Variants in LRRC4C observed in about 807,000 individuals in gnomAD.
The protein encoded by LRRC4C is leucine-rich repeat-containing protein 4C.
LRRC4C carries 5 observed loss-of-function variants against 33.6 expected under a neutral mutation model. The observed-to-expected ratio is 0.15, with a 90% CI of 0.08 to 0.31. The LOEUF (loss-of-function observed/expected upper bound fraction) is 0.31, where lower values mean the gene tolerates loss of function less well. Among genes scored for constraint, LRRC4C ranks in the 10% least tolerant of loss-of-function variants. The pLI, the probability that LRRC4C is intolerant of heterozygous loss-of-function variation, is 1.00. For synonymous variants in LRRC4C, 329 were observed against 302.0 expected (o/e 1.09, Z -0.93); for missense variants, 560 against 796.7 (o/e 0.70, Z 3.58).
chr11:40,964,092 G>C lies in LRRC4C; in HGVS notation c.-495-30369C>G, dbSNP rs562388009. 1.1e-4 allele frequency among the ~76,000 whole-genome samples: 17 copies of C among 151,530 alleles called. No individual in the cohort carries two copies. In the South Asian group the frequency reaches 3.3e-3, roughly 30 times the overall value. On this transcript the variant is annotated intron_variant, in intron 1 of 6. Coordinates refer to ENST00000528697, the MANE Select transcript of LRRC4C (RefSeq NM_001258419.2). ...TGCTGCTATTTCTCAATGTGCCGCA[G>C]TTTCTTCATCTATCAAACCAGCATA...
intron 1 of LRRC4C, among the ~76,000 whole-genome samples, chr11:40,940,687 T>A (rs1958100847): frequency 6.6e-6 from 1 of 152,128 alleles, no homozygotes; most frequent in Non-Finnish European, 1.5e-5. Context: ...GCTACAAAGT[T>A]CTTAGAAGAG....
chr11:40,785,328 C>T (rs1950370340), intron 2 of LRRC4C, among the ~76,000 whole-genome samples: 1 of 152,120 alleles, frequency 6.6e-6, no homozygotes, highest in South Asian at 2.1e-4. Context: ...AACTTCCAAA[C>T]TCATAACTTG....
chr11:41,279,082 A>G (rs1283270173), intron 1 of LRRC4C, among the ~76,000 whole-genome samples: 1 of 152,136 alleles, frequency 6.6e-6, no homozygotes, highest in Non-Finnish European at 1.5e-5. Flanking sequence ...TTCCTGAATT[A>G]ATTCACTTAG....
intron 3 of LRRC4C, among the ~76,000 whole-genome samples, chr11:40,618,327 A>G (rs746838279): frequency 2.6e-5 from 4 of 151,630 alleles, no homozygotes; most frequent in East Asian, 1.9e-4. Flanking sequence ...CTAGCCAAGA[A>G]ATGACCAAGA....
At chr11:40,584,413 T>C (rs1292716997) in intron 3 of LRRC4C, among the ~76,000 whole-genome samples, 3 of 151,812 alleles carry the variant, frequency 2.0e-5, no homozygotes, top group Non-Finnish European at 4.4e-5. Context: ...GACTACTAGC[T>C]TGATGACAGT....
intron 3 of LRRC4C, among the ~76,000 whole-genome samples, chr11:40,548,178 A>T (rs1171049743): frequency 6.6e-6 from 1 of 152,098 alleles, no homozygotes; most frequent in African/African-American, 2.4e-5. Context: ...GAAATAAGTG[A>T]GGGAATCATG....
intron 3 of LRRC4C, among the ~76,000 whole-genome samples, chr11:40,578,256 C>T (rs1332657959): frequency 6.8e-6 from 1 of 147,712 alleles, no homozygotes; most frequent in Non-Finnish European, 1.5e-5. Flanking sequence ...CAACTATGCC[C>T]CTGGCAAACA....
intron 1 of LRRC4C, among the ~76,000 whole-genome samples, chr11:41,282,979 A>G (rs1949719003): frequency 6.6e-6 from 1 of 152,236 alleles, no homozygotes; most frequent in Non-Finnish European, 1.5e-5. Flanking sequence ...TTTGACATGA[A>G]TAAAATTAGA....
chr11:40,937,604 TG>T (rs1771442291), intron 1 of LRRC4C, among the ~76,000 whole-genome samples: 2 of 19,828 alleles, frequency 1.0e-4, no homozygotes, highest in African/African-American at 3.4e-4. Context: ...TGTGTGTATA[TG>T]TGTGTGTGTG....
At chr11:40,118,576 A>G (rs1290135135) in intron 6 of LRRC4C, among the ~76,000 whole-genome samples, 1 of 152,136 alleles carries the variant, frequency 6.6e-6, no homozygotes, top group Non-Finnish European at 1.5e-5. Context: ...TCTGATCTAT[A>G]TTTTGTAGAA....
rs373389647 is a variant in LRRC4C at position 40,787,644 on chromosome 11, G to T, written c.-406-139366C>A. Among the ~76,000 whole-genome samples, 3 of 152,266 alleles carry T rather than the reference G, an allele frequency of 2.0e-5. No homozygotes were observed. The East Asian group carries it at 5.8e-4, about 29-fold the overall frequency. Reference sequence around the variant, plus strand: ...GTATAAGTGAAAAGGAGGTGAAAATGAATGCACAATCAGCCATCTTGATTT... The same window carrying T: ...GTATAAGTGAAAAGGAGGTGAAAATTAATGCACAATCAGCCATCTTGATTT... On this transcript the variant is annotated intron_variant, in intron 2 of 6. Coordinates refer to ENST00000528697, the MANE Select transcript of LRRC4C (RefSeq NM_001258419.2).
At chr11:41,097,395 A>G (rs1201361050) in intron 1 of LRRC4C, among the ~76,000 whole-genome samples, 1 of 152,168 alleles carries the variant, frequency 6.6e-6, no homozygotes, top group East Asian at 1.9e-4. Flanking sequence ...GGATTAGATG[A>G]AAATGTTACC....
intron 1 of LRRC4C, among the ~76,000 whole-genome samples, chr11:41,417,553 T>C (rs1954729984): frequency 6.6e-6 from 1 of 152,044 alleles, no homozygotes; most frequent in Non-Finnish European, 1.5e-5. Context: ...ACTTTCTCAG[T>C]TGTGACTAGC....
chr11:40,923,082 C>T (rs558870326), intron 2 of LRRC4C, among the ~76,000 whole-genome samples: 1 of 152,258 alleles, frequency 6.6e-6, no homozygotes, highest in South Asian at 2.1e-4. Flanking sequence ...CCCTCAGCCT[C>T]CCAAAGTGCT....
At chr11:41,054,395 G>A (rs16935316) in intron 1 of LRRC4C, among the ~76,000 whole-genome samples, 1 of 152,270 alleles carries the variant, frequency 6.6e-6, no homozygotes, top group South Asian at 2.1e-4. Flanking sequence ...GACAGAAGAG[G>A]ACATTCTGAT....
chr11:40,953,800 C>G (rs915848759), intron 1 of LRRC4C, among the ~76,000 whole-genome samples: 1 of 151,868 alleles, frequency 6.6e-6, no homozygotes, highest in Non-Finnish European at 1.5e-5. Context: ...TGTTCTAAAG[C>G]TGCAGTCAAG....
intron 2 of LRRC4C, among the ~76,000 whole-genome samples, chr11:40,687,421 G>A (rs998791792): frequency 2.0e-5 from 3 of 151,928 alleles, no homozygotes; most frequent in East Asian, 1.9e-4. Flanking sequence ...TAGATAGATC[G>A]ATCCTCTTTT....
intron 1 of LRRC4C, among the ~76,000 whole-genome samples, chr11:41,350,533 AAAG>A (rs1951947419): frequency 6.6e-6 from 1 of 151,682 alleles, no homozygotes; most frequent in Non-Finnish European, 1.5e-5. Context: ...AAAAAGAAAG[AAAG>A]AAAAAATGTT....
intron 6 of LRRC4C, among the ~76,000 whole-genome samples, chr11:40,129,692 C>T: frequency 6.6e-6 from 1 of 152,134 alleles, no homozygotes; most frequent in Non-Finnish European, 1.5e-5. Flanking sequence ...TCTTGACCAC[C>T]ACATGCCTGC....
Sources: gnomAD v4.1 joint callset for allele counts (sites outside exome capture counted in the v4.1 genomes callset) on GRCh38, gnomAD v4.1.1 for gene constraint, MANE v1.5 for transcripts, NCBI Gene and HGNC (gene_info 2026-07-23, HGNC 2026-07-21) for gene names.